Variants in KCNAB1 observed in about 807,000 individuals in gnomAD.
KCNAB1 encodes potassium voltage-gated channel subfamily A regulatory beta subunit 1, also known as voltage-gated potassium channel subunit beta-1.
A neutral mutation model predicts 64.6 loss-of-function variants in KCNAB1; 35 were observed. The ratio of observed to expected loss-of-function variants is 0.54; its 90% confidence interval spans 0.41 to 0.72. KCNAB1 has a LOEUF of 0.72. Among genes scored for constraint, KCNAB1 ranks in the 30% least tolerant of loss-of-function variants. The probability of loss-of-function intolerance (pLI) is 0.00; values close to 1 mark genes in which losing one functional copy is unlikely to be tolerated. For synonymous variants in KCNAB1, 177 were observed against 183.8 expected (o/e 0.96, Z 0.30); for missense variants, 401 against 512.9 (o/e 0.78, Z 2.11).
intron 8 of KCNAB1, among the ~76,000 whole-genome samples, chr3:156,482,583 C>T (rs1714906344): frequency 6.6e-6 from 1 of 151,980 alleles, no homozygotes. Flanking sequence ...AGCTTGGACT[C>T]CTCCAAAATA....
intron 1 of KCNAB1, among the ~76,000 whole-genome samples, chr3:156,264,184 C>G (rs989669977): frequency 6.6e-6 from 1 of 151,928 alleles, no homozygotes; most frequent in Non-Finnish European, 1.5e-5. Flanking sequence ...CATTTTTTAT[C>G]TTAAAATTTG....
chr3:156,257,595 C>CT (rs1323892114), intron 1 of KCNAB1, among the ~76,000 whole-genome samples: 1 of 152,090 alleles, frequency 6.6e-6, no homozygotes, highest in Admixed American at 6.5e-5. Context: ...AGATCTAAAA[C>CT]TTTTACTAGT....
At chr3:156,442,946 G>A (rs139587583) in intron 2 of KCNAB1, among the ~76,000 whole-genome samples, 2 of 152,332 alleles carry the variant, frequency 1.3e-5, no homozygotes, top group African/African-American at 4.8e-5. Context: ...GAGAGAATTT[G>A]AGAGCAGGGA....
At chr3:156,441,036 C>A (rs1716956358) in intron 2 of KCNAB1, 1 of 152,092 alleles carries the variant, frequency 6.6e-6, no homozygotes, top group African/African-American at 2.4e-5. Context: ...ATTCAATACT[C>A]TAAATATCAT....
intron 2 of KCNAB1, among the ~76,000 whole-genome samples, chr3:156,435,441 A>G (rs1315389588): frequency 6.6e-6 from 1 of 152,156 alleles, no homozygotes; most frequent in Non-Finnish European, 1.5e-5. Flanking sequence ...ATAGTTTGTT[A>G]ATTTCCCCAG....
chr3:156,220,669 G>A lies in KCNAB1; in HGVS notation c.275+99783G>A, dbSNP rs544243802. 5.9e-5 allele frequency among the ~76,000 whole-genome samples: 9 copies of A among 151,380 alleles called. No individual in the cohort carries two copies. The East Asian group carries it at 7.7e-4, about 13-fold the overall frequency. ...GAGTTTCTCCCATTCTGTAGGTTGC[G>A]TGTTTACTCTGATGACAGTTTCTTT... On this transcript the variant is annotated intron_variant, in intron 1 of 13. Coordinates refer to ENST00000490337, the MANE Select transcript of KCNAB1 (RefSeq NM_172160.3).
intron 1 of KCNAB1, among the ~76,000 whole-genome samples, chr3:156,330,778 T>A (rs576222589): frequency 6.6e-6 from 1 of 152,248 alleles, no homozygotes; most frequent in East Asian, 1.9e-4. Context: ...TTTTCTTTTG[T>A]CTTTTAGTGC....
chr3:156,214,079 C>T (rs374952805), intron 1 of KCNAB1, among the ~76,000 whole-genome samples: 9 of 152,320 alleles, frequency 5.9e-5, no homozygotes, highest in Non-Finnish European at 1.2e-4. Flanking sequence ...CCCAACTCCA[C>T]GGGGACAGAT....
chr3:156,539,072 T>C (rs767086299), downstream of KCNAB1: 7 of 152,186 alleles, frequency 4.6e-5, no homozygotes, highest in Non-Finnish European at 8.8e-5. Context: ...CACGCACTCT[T>C]ATTATTTTCT....
chr3:156,171,187 G>GCACACACACACACACACACACACA (rs147202221), intron 1 of KCNAB1, among the ~76,000 whole-genome samples: 1 of 142,738 alleles, frequency 7.0e-6, no homozygotes, highest in Non-Finnish European at 1.5e-5. Flanking sequence ...GAAACTTCAC[G>GCACACACACACACACACACACACA]CACACATACA....
intron 1 of KCNAB1, among the ~76,000 whole-genome samples, chr3:156,280,219 T>C (rs1719616909): frequency 6.6e-6 from 1 of 150,388 alleles, no homozygotes; most frequent in Admixed American, 6.6e-5. Flanking sequence ...ATTTATTAAA[T>C]AGGGAATCCT....
chr3:156,412,751 CA>C (rs1714761132), intron 1 of KCNAB1, among the ~76,000 whole-genome samples: 1 of 152,174 alleles, frequency 6.6e-6, no homozygotes. Flanking sequence ...AGCTATCTGT[CA>C]CAAGAGTCTG....
intron 1 of KCNAB1, among the ~76,000 whole-genome samples, chr3:156,194,091 C>T (rs1713731899): frequency 6.6e-6 from 1 of 151,822 alleles, no homozygotes; most frequent in Admixed American, 6.6e-5. Context: ...ATTATAGAAC[C>T]CATAATATAT....
intron 1 of KCNAB1, among the ~76,000 whole-genome samples, chr3:156,147,090 A>G (rs765855963): frequency 6.6e-6 from 1 of 152,236 alleles, no homozygotes; most frequent in Non-Finnish European, 1.5e-5. Context: ...AAGGGAACAG[A>G]GAGCCTGGGG....
chr3:156,237,216 T>G (rs942508334), intron 1 of KCNAB1, among the ~76,000 whole-genome samples: 4 of 152,202 alleles, frequency 2.6e-5, no homozygotes, highest in African/African-American at 9.7e-5. Context: ...TAGCATGAAA[T>G]TTTCAGTCCA....
At chr3:156,143,465 G>A in intron 1 of KCNAB1, 1 of 1,275,564 alleles carries the variant, frequency 7.8e-7, no homozygotes. Context: ...CTGCACTGAT[G>A]TCAAAGGTTG....
At chr3:156,536,147 C>A (rs188501269) in intron 13 of KCNAB1, among the ~76,000 whole-genome samples, 29 of 152,282 alleles carry the variant, frequency 1.9e-4, no homozygotes, top group Non-Finnish European at 1.9e-4. Flanking sequence ...GTGCTGTGTA[C>A]TACTATGGTT....
At chr3:156,157,989 C>T (rs1715822587) in intron 1 of KCNAB1, among the ~76,000 whole-genome samples, 1 of 151,572 alleles carries the variant, frequency 6.6e-6, no homozygotes, top group Non-Finnish European at 1.5e-5. Flanking sequence ...CGGTGAAACC[C>T]CGTCTCTACT....
chr3:156,134,338 GC>G (rs2108268999), intron 1 of KCNAB1, among the ~76,000 whole-genome samples: 1 of 152,126 alleles, frequency 6.6e-6, no homozygotes, highest in South Asian at 2.1e-4. Context: ...TTTTCTTGCT[GC>G]TGTCAGGATG....
Sources: gnomAD v4.1 joint callset for allele counts (sites outside exome capture counted in the v4.1 genomes callset) on GRCh38, gnomAD v4.1.1 for gene constraint, MANE v1.5 for transcripts, NCBI Gene and HGNC (gene_info 2026-07-23, HGNC 2026-07-21) for gene names.